The following GLCE variants were observed in gnomAD, a reference collection of about 807,000 sequenced individuals.
GLCE encodes D-glucuronyl C5-epimerase.
In GLCE, 19 loss-of-function variants were observed where a neutral mutation model predicts 47.9. That is an observed-to-expected ratio of 0.40 (90% CI 0.28 to 0.58). The LOEUF is 0.58. Ranked by LOEUF, GLCE falls within the 20% of genes least tolerant of loss-of-function variation. The pLI is 0.48. For synonymous variants in GLCE, 245 were observed against 263.4 expected, an observed-to-expected ratio of 0.93 and a Z score of 0.68; for missense variants, 556 against 743.3, an observed-to-expected ratio of 0.75 and a Z score of 2.93.
chr15:69,188,046 AGAGC>A (rs1312241192), intron 1 of GLCE, among the ~76,000 whole-genome samples: 76 of 152,284 alleles, frequency 5.0e-4, no homozygotes, highest in Non-Finnish European at 1.8e-4. Context: ...CCTGGGTGAC[AGAGC>A]GAGACTCCAT....
At chr15:69,265,351 C>T (rs2053070661) in intron 4 of GLCE, among the ~76,000 whole-genome samples, 1 of 152,156 alleles carries the variant, frequency 6.6e-6, no homozygotes, top group Admixed American at 6.5e-5. Flanking sequence ...GGTACATTGC[C>T]AAACTGGTTT....
chr15:69,262,221 T>C (rs1431634570), intron 4 of GLCE, among the ~76,000 whole-genome samples: 1 of 152,248 alleles, frequency 6.6e-6, no homozygotes. Context: ...AAGTAATGAA[T>C]TTATGAGTAC....
At chr15:69,174,741 A>C (rs1385233969) in intron 1 of GLCE, among the ~76,000 whole-genome samples, 1 of 152,220 alleles carries the variant, frequency 6.6e-6, no homozygotes, top group East Asian at 1.9e-4. Flanking sequence ...TCCCTTACAC[A>C]AATCAGAGCT....
intron 2 of GLCE, among the ~76,000 whole-genome samples, chr15:69,222,963 T>C (rs2140392063): frequency 6.6e-6 from 1 of 152,344 alleles, no homozygotes; most frequent in African/African-American, 2.4e-5. Flanking sequence ...ACTTCAATAA[T>C]ATCCAAAAAT....
At chr15:69,176,018 C>G (rs1332616828) in intron 1 of GLCE, among the ~76,000 whole-genome samples, 2 of 152,096 alleles carry the variant, frequency 1.3e-5, no homozygotes, top group Non-Finnish European at 2.9e-5. Context: ...TCATGTAACA[C>G]TGTTCACTTA....
At chr15:69,236,226 G>A (rs2052592959) in intron 2 of GLCE, among the ~76,000 whole-genome samples, 1 of 139,844 alleles carries the variant, frequency 7.2e-6, no homozygotes. Context: ...ATAAACTGCT[G>A]TAACCATACA....
intron 1 of GLCE, among the ~76,000 whole-genome samples, chr15:69,169,116 A>C (rs12185132): frequency 0.51 from 77,853 of 152,082 alleles, 23,481 homozygotes; most frequent in Non-Finnish European, 0.65. Flanking sequence ...TTTTATGTCT[A>C]ATTTCCTGTG....
chr15:69,183,451 C>T (rs150054913), intron 1 of GLCE, among the ~76,000 whole-genome samples: 46 of 152,280 alleles, frequency 3.0e-4, no homozygotes, highest in African/African-American at 1.0e-3. Context: ...TAGAGAGGCA[C>T]TGAAATGAAA....
At chr15:69,173,343 G>A (rs2051614930) in intron 1 of GLCE, among the ~76,000 whole-genome samples, 1 of 152,158 alleles carries the variant, frequency 6.6e-6, no homozygotes. Context: ...TGGGGTATAT[G>A]ATAATACTTT....
chr15:69,194,369 C>T (rs1282618407), intron 1 of GLCE: 8 of 152,254 alleles, frequency 5.3e-5, no homozygotes, highest in African/African-American at 1.9e-4. Context: ...TTGTGACCCA[C>T]TTTTGGATTG....
At chr15:69,229,600 T>C (rs1425136615) in intron 2 of GLCE, among the ~76,000 whole-genome samples, 1 of 152,172 alleles carries the variant, frequency 6.6e-6, no homozygotes, top group Non-Finnish European at 1.5e-5. Context: ...TAATATGTTA[T>C]GGAATTTTTC....
intron 1 of GLCE, among the ~76,000 whole-genome samples, chr15:69,198,548 T>C (rs1361534735): frequency 1.3e-5 from 2 of 152,124 alleles, no homozygotes; most frequent in South Asian, 4.1e-4. Flanking sequence ...GAGGCCTCCC[T>C]TGGACCCGTG....
intron 2 of GLCE, among the ~76,000 whole-genome samples, chr15:69,249,094 A>T (rs2052798975): frequency 6.6e-6 from 1 of 152,204 alleles, no homozygotes; most frequent in Non-Finnish European, 1.5e-5. Context: ...TATTTTAGAT[A>T]AGGTGGCCAG....
At chr15:69,234,239 A>G (rs527401257) in intron 2 of GLCE, among the ~76,000 whole-genome samples, 124 of 152,198 alleles carry the variant, frequency 8.1e-4, no homozygotes, top group African/African-American at 2.8e-3. Flanking sequence ...CAGCCTCCCA[A>G]AGTGCTGGGA....
At chr15:69,208,888 G>A (rs936497901) in intron 1 of GLCE, among the ~76,000 whole-genome samples, 1 of 151,926 alleles carries the variant, frequency 6.6e-6, no homozygotes, top group African/African-American at 2.4e-5. Context: ...TATTTTGAAC[G>A]GTATTATTTT....
rs895631783 is a variant in GLCE, at chr15:69,242,381, C to G, written c.-13-13413C>G. The stretch of plus-strand genomic sequence containing the variant: ...TTTTCTGTATGTTCAAGTCTTGTAT[C>G]TTCAAGGTTCTAAGTTATTTGAGAG... On this transcript the variant is annotated intron_variant, in intron 2 of 4. Coordinates refer to ENST00000261858, the MANE Select transcript of GLCE (RefSeq NM_015554.3). Among the ~76,000 whole-genome samples the G allele has an allele frequency of 1.1e-4, 17 of 152,068 alleles. 1 individual carries two copies. Among genetic ancestry groups the G allele is most frequent in the Admixed American group, 1.1e-3 (17 of 15,266 alleles).
chr15:69,168,507 G>T (rs2051538009), intron 1 of GLCE, among the ~76,000 whole-genome samples: 1 of 151,142 alleles, frequency 6.6e-6, no homozygotes, highest in African/African-American at 2.4e-5. Context: ...CAGGCATGGA[G>T]GAAGAGGAAC....
At chr15:69,249,497 C>T (rs2052805397) in intron 2 of GLCE, among the ~76,000 whole-genome samples, 2 of 152,160 alleles carry the variant, frequency 1.3e-5, no homozygotes, top group South Asian at 4.1e-4. Flanking sequence ...ATTTCATCTA[C>T]TTACTCAGTA....
intron 2 of GLCE, among the ~76,000 whole-genome samples, chr15:69,254,320 T>C (rs538860945): frequency 1.3e-5 from 2 of 152,316 alleles, no homozygotes; most frequent in Non-Finnish European, 2.9e-5. Flanking sequence ...CTACTTGCAT[T>C]GCAATCACAA....
Sources: gnomAD v4.1 joint callset for allele counts (sites outside exome capture counted in the v4.1 genomes callset) on GRCh38, gnomAD v4.1.1 for gene constraint, MANE v1.5 for transcripts, NCBI Gene and HGNC (gene_info 2026-07-23, HGNC 2026-07-21) for gene names.